Variants in CNIH3 observed in about 807,000 individuals in gnomAD.
CNIH3 encodes cornichon family AMPA receptor auxiliary protein 3.
A neutral mutation model predicts 24.1 loss-of-function variants in CNIH3; 14 were observed. That is an observed-to-expected ratio of 0.58 (90% CI 0.38 to 0.91). The LOEUF (loss-of-function observed/expected upper bound fraction) is 0.91, where lower values mean the gene tolerates loss of function less well. CNIH3 is among the 40% of genes least tolerant of loss of function. The pLI is 0.00. For missense variants in CNIH3, 178 were observed against 196.8 expected, an observed-to-expected ratio of 0.90 and a Z score of 0.57; for synonymous variants, 68 against 73.8, an observed-to-expected ratio of 0.92 and a Z score of 0.40.
At chr1:224,522,788 G>T (rs527600761) in intron 2 of CNIH3, among the ~76,000 whole-genome samples, 9 of 152,320 alleles carry the variant, frequency 5.9e-5, no homozygotes, top group Admixed American at 3.9e-4. Flanking sequence ...GGAACTGTTG[G>T]AACCCTCATC....
At chr1:224,672,693 A>G (rs1685928987) in intron 1 of CNIH3, among the ~76,000 whole-genome samples, 1 of 152,174 alleles carries the variant, frequency 6.6e-6, no homozygotes, top group Admixed American at 6.5e-5. Flanking sequence ...TTACACCTGC[A>G]AAGACCCTAT....
intron 3 of CNIH3, among the ~76,000 whole-genome samples, chr1:224,721,704 T>G (rs562730574): frequency 6.6e-6 from 1 of 152,162 alleles, no homozygotes; most frequent in African/African-American, 2.4e-5. Context: ...AAAAGGAAGC[T>G]GTCCCCTTAC....
intron 3 of CNIH3, among the ~76,000 whole-genome samples, chr1:224,691,161 GC>G (rs1686913044): frequency 6.6e-6 from 1 of 152,190 alleles, no homozygotes; most frequent in Admixed American, 6.5e-5. Flanking sequence ...TACATAATTG[GC>G]AGGGCCTGGT....
chr1:224,591,789 A>G (rs1218302085), downstream of CNIH3, among the ~76,000 whole-genome samples: 1 of 152,190 alleles, frequency 6.6e-6, no homozygotes, highest in Admixed American at 6.5e-5. Context: ...CATGACTGCT[A>G]GCTGACTCTG....
intron 1 of CNIH3, among the ~76,000 whole-genome samples, chr1:224,488,546 G>A (rs1488622967): frequency 6.6e-6 from 1 of 151,710 alleles, no homozygotes; most frequent in East Asian, 1.9e-4. Flanking sequence ...TTATAGCCTC[G>A]AGCTCCTGGG....
At chr1:224,554,055 A>C (rs1351683764) in intron 3 of CNIH3, among the ~76,000 whole-genome samples, 1 of 152,204 alleles carries the variant, frequency 6.6e-6, no homozygotes, top group African/African-American at 2.4e-5. Context: ...AGGGTGCTGG[A>C]AAATGATTTT....
chr1:224,541,507 G>T (rs746855395), downstream of CNIH3, among the ~76,000 whole-genome samples: 8 of 152,180 alleles, frequency 5.3e-5, no homozygotes, highest in Non-Finnish European at 1.0e-4. Flanking sequence ...CCCTTAAAAA[G>T]GATGTGCATG....
chr1:224,480,680 TA>T (rs1286092614), intron 1 of CNIH3, among the ~76,000 whole-genome samples: 1 of 152,228 alleles, frequency 6.6e-6, no homozygotes, highest in East Asian at 1.9e-4. Context: ...CAGTCTCTGC[TA>T]AAACATAACA....
chr1:224,561,290 T>C (rs1470983560), intron 3 of CNIH3, among the ~76,000 whole-genome samples: 1 of 152,152 alleles, frequency 6.6e-6, no homozygotes, highest in African/African-American at 2.4e-5. Flanking sequence ...GTTTACAGAT[T>C]TCCTTTCTCA....
At chr1:224,544,460 T>A (rs1047576141) in intron 2 of CNIH3, among the ~76,000 whole-genome samples, 1 of 152,220 alleles carries the variant, frequency 6.6e-6, no homozygotes, top group Non-Finnish European at 1.5e-5. Flanking sequence ...TGGAGCTATT[T>A]TAGGAATATT....
At chr1:224,540,933 G>A (rs1180720452), downstream of CNIH3, among the ~76,000 whole-genome samples, 1 of 152,160 alleles carries the variant, frequency 6.6e-6, no homozygotes, top group Non-Finnish European at 1.5e-5. Context: ...CAGCCTGCAA[G>A]TCTGTTTGCT....
At chr1:224,670,272 T>A (rs1226395999) in intron 1 of CNIH3, among the ~76,000 whole-genome samples, 1 of 152,138 alleles carries the variant, frequency 6.6e-6, no homozygotes, top group Non-Finnish European at 1.5e-5. Context: ...ATGCAAGGAC[T>A]TAGAAGATGG....
chr1:224,581,837 C>T lies in CNIH3; in HGVS notation n.517-1327C>T, dbSNP rs17571814. On this transcript the variant is annotated intron_variant and non_coding_transcript_variant, in intron 4 of 5. Transcript: ENST00000471578. Reference sequence around the variant, plus strand: ...CATTTAAGTCACTTATAAACCTAGACTTTGAGAGACAGACTCTTCATACCT... The same window carrying T: ...CATTTAAGTCACTTATAAACCTAGATTTTGAGAGACAGACTCTTCATACCT... Among the ~76,000 whole-genome samples, 448 of 152,262 alleles carry T rather than the reference C, an allele frequency of 2.9e-3. 1 individual carries two copies. The highest frequency in any genetic ancestry group is 5.1e-3 in the Non-Finnish European group (349 of 68,024).
upstream of CNIH3, among the ~76,000 whole-genome samples, chr1:224,514,782 T>G (rs1678311418): frequency 6.6e-6 from 1 of 152,200 alleles, no homozygotes; most frequent in South Asian, 2.1e-4. Context: ...CAGTGAGCCG[T>G]GGTCATGCCA....
At chr1:224,548,697 G>C (rs1679798595) in intron 3 of CNIH3, among the ~76,000 whole-genome samples, 1 of 151,776 alleles carries the variant, frequency 6.6e-6, no homozygotes, top group Non-Finnish European at 1.5e-5. Context: ...AGTACACCCT[G>C]TGTGGACACC....
At chr1:224,609,816 T>G (rs1328316651) in intron 3 of CNIH3, among the ~76,000 whole-genome samples, 5 of 152,016 alleles carry the variant, frequency 3.3e-5, no homozygotes, top group African/African-American at 1.2e-4. Flanking sequence ...GATGGATGCT[T>G]GAGGGTAGGG....
chr1:224,540,630 A>T (rs1022251930), downstream of CNIH3, among the ~76,000 whole-genome samples: 1 of 152,220 alleles, frequency 6.6e-6, no homozygotes, highest in Non-Finnish European at 1.5e-5. Flanking sequence ...TAGAAAACTC[A>T]TGCAGCCAAA....
At chr1:224,677,513 T>C (rs1434022049) in intron 1 of CNIH3, among the ~76,000 whole-genome samples, 1 of 152,118 alleles carries the variant, frequency 6.6e-6, no homozygotes, top group African/African-American at 2.4e-5. Flanking sequence ...TGCACTGCCA[T>C]CACATCATCA....
At chr1:224,588,342 G>A (rs544291973) in intron 5 of CNIH3, 4 of 152,176 alleles carry the variant, frequency 2.6e-5, no homozygotes, top group African/African-American at 9.6e-5. Context: ...TATTTTAAAG[G>A]CTGTCTGGAT....
Sources: allele counts gnomAD v4.1 joint callset (sites outside exome capture counted in the v4.1 genomes callset), GRCh38; gene constraint gnomAD v4.1.1; transcripts MANE v1.5; gene names NCBI Gene and HGNC (gene_info 2026-07-23, HGNC 2026-07-21).